SON: variants seen among roughly 807,000 people sequenced by gnomAD.
SON encodes the protein protein SON.
SON carries 4 observed loss-of-function variants against 173.3 expected under a neutral mutation model. The observed-to-expected ratio is 0.02, with a 90% CI of 0.01 to 0.05. SON has a LOEUF of 0.05. Ranked by LOEUF, SON falls within the 10% of genes least tolerant of loss-of-function variation. SON has a pLI of 1.00. For missense variants in SON, 2,626 were observed against 3,055.3 expected, an observed-to-expected ratio of 0.86 and a Z score of 3.31; for synonymous variants, 1,190 against 1,105.9, an observed-to-expected ratio of 1.08 and a Z score of -1.51.
At chr21:33,572,185 A>T (rs868781040) in intron 8 of SON, 1 of 133,126 alleles carries the variant, frequency 7.5e-6, no homozygotes, top group African/African-American at 3.3e-5. Flanking sequence ...ATATATTTAT[A>T]TATATATATA....
chr21:33,551,057 C>T lies in SON; in HGVS notation c.1826C>T (p.Ser609Leu), dbSNP rs764822871. The change falls in exon 3 of 12, where the codon TCG becomes TTG. Residue 609 changes from serine to leucine, a missense_variant. This residue lies in a region of SON where 12 missense variants were observed against 31.9 expected (regional missense o/e 0.38). Transcript: ENST00000356577. ...ATGGCAGCTGGGGCACTGGAGTTCT[C>T]GGGGCAGTCTGGGGCAGCTGGAGCA... is the stretch of plus-strand genomic sequence containing the variant. The part of the protein sequence containing the change: ...PLMAAGALEF[S>L]GQSGAAGALE... 10 of 1,612,354 alleles carry T rather than the reference C, an allele frequency of 6.2e-6. No homozygotes were observed. Among genetic ancestry groups the T allele is most frequent in the South Asian group, 1.1e-5 (1 of 90,886 alleles).
intron 8 of SON, 106 bp from the exon 9 acceptor site, chr21:33,573,200 CAG>C: frequency 2.3e-6 from 2 of 862,258 alleles, no homozygotes; most frequent in African/African-American, 1.7e-5. Flanking sequence ...ATTGCTATAA[CAG>C]ATCTAGAAGT....
chr21:33,547,261 C>A (rs1484783089), intron 2 of SON, among the ~76,000 whole-genome samples: 1 of 152,168 alleles, frequency 6.6e-6, no homozygotes, highest in Non-Finnish European at 1.5e-5. Flanking sequence ...GGATTACAGG[C>A]GTGAGCCACC....
chr21:33,568,348 C>T (rs959148414), intron 7 of SON, among the ~76,000 whole-genome samples: 8 of 152,150 alleles, frequency 5.3e-5, no homozygotes, highest in Non-Finnish European at 1.2e-4. Flanking sequence ...CAAAATTAGC[C>T]GGGCGCGGTG....
At chr21:33,570,417 C>G (rs1002825749) in intron 8 of SON, among the ~76,000 whole-genome samples, 29 of 152,160 alleles carry the variant, frequency 1.9e-4, no homozygotes, top group African/African-American at 6.8e-4. Flanking sequence ...TATGAAACAT[C>G]ATGTATACTC....
chr21:33,573,227 C>T, intron 8 of SON, 81 bp from the exon 9 acceptor site: 1 of 1,212,112 alleles, frequency 8.3e-7, no homozygotes, highest in Non-Finnish European at 1.2e-6. Flanking sequence ...TAAGATTCCT[C>T]TTTTTAGAAA....
Position 33,576,799 on chromosome 21 carries a change from C to T in SON, c.*375C>T. ...GTGATGTATTTGTTTAAGTGGCTAA[C>T]ATCCAAACGACTGTTTGAAGGCATC... On this transcript the variant is annotated 3_prime_UTR_variant, in exon 12 of 12. Transcript: ENST00000356577. The T allele has an allele frequency of 2.9e-6, 1 of 345,642 alleles. No individual in the cohort carries two copies. The highest frequency in any genetic ancestry group is 2.5e-5 in the South Asian group (1 of 40,108). The allele number at this position is 345,642 out of a possible 1,614,324, so 21.4% of individuals were successfully genotyped here.
intron 3 of SON, among the ~76,000 whole-genome samples, chr21:33,556,711 CAAAA>C (rs375685900): frequency 1.1e-4 from 11 of 102,638 alleles, no homozygotes; most frequent in Admixed American, 3.9e-4. Flanking sequence ...GAGACTGTCT[CAAAA>C]AAAAAAAAAA....
chr21:33,553,857 T>C lies in SON; in HGVS notation c.4626T>C (p.Ala1542=), dbSNP rs765664922. The C allele has an allele frequency of 2.7e-5, 43 of 1,613,768 alleles. No homozygotes were observed. Among genetic ancestry groups the C allele is most frequent in the Non-Finnish European group, 3.6e-5 (43 of 1,179,844 alleles). ...TTAATATAAATAATCATTTAATTGC[T>C]AAAGAGATGGAACATAATACAGTGT... The part of the protein sequence containing the change: ...IDLNINNHLI[A]KEMEHNTVCA... Residue 1542 remains alanine, a synonymous_variant, in exon 3 of 12, where the codon GCT becomes GCC. Transcript: ENST00000356577.
chr21:33,576,048 T>C (rs1375606282), intron 11 of SON, among the ~76,000 whole-genome samples, 155 bp downstream of exon 11: 1 of 152,210 alleles, frequency 6.6e-6, no homozygotes, highest in Non-Finnish European at 1.5e-5. Context: ...TGAAGGGTGC[T>C]TTAATACGAC....
Position 33,550,248 on chromosome 21 carries a change from G to T in SON, c.1017G>T (p.Leu339Phe), listed in dbSNP as rs2085732555. The stretch of plus-strand genomic sequence containing the variant: ...CATCTGCAATTGAAGCGCTAAGATT[G>T]CCAGAGCAGCCTGTAGACGTACCAT... ...PESSAIEALR[L>F]PEQPVDVPSE... Residue 339 changes from leucine (L) to phenylalanine (F), a missense_variant, in exon 3 of 12, where the codon TTG (leucine) becomes TTT (phenylalanine). By Grantham distance (22) the Leu-to-Phe change is conservative (BLOSUM62 0). Around this residue, in one of 13 missense-constraint regions of SON, gnomAD observed 757 missense variants for 730.1 expected, o/e 1.04. Coordinates refer to ENST00000356577, the MANE Select transcript of SON (RefSeq NM_138927.4). The T allele has an allele frequency of 6.2e-7, 1 of 1,614,126 alleles. No homozygotes were observed. The highest frequency in any genetic ancestry group is 1.3e-5 in the African/African-American group (1 of 74,942).
chr21:33,546,554 T>A, intron 2 of SON, 175 bp downstream of exon 2: 2 of 440,234 alleles, frequency 4.5e-6, no homozygotes, highest in South Asian at 5.4e-5. Flanking sequence ...CTGAGGTGGG[T>A]GGATCACCTG....
rs765590529 is a variant in SON, at chr21:33,553,798, T to G, written c.4567T>G (p.Phe1523Val). Residue 1523 changes from phenylalanine (F) to valine (V), a missense_variant, in exon 3 of 12, where the codon TTT (phenylalanine) becomes GTT (valine). Phe to Val is a conservative substitution (Grantham distance 50, BLOSUM62 -1). This residue lies in a region of SON where 1,006 missense variants were observed against 895.6 expected (regional missense o/e 1.12). Transcript: ENST00000356577. ...PHAEEHLKGD[F>V]YESEHGINID... is the part of the protein sequence containing the mutation. ...TGCTGAGGAACACCTGAAAGGTGAC[T>G]TTTACGAAAGTGAACATGGTATAAA... 1 of 1,613,950 alleles carries G rather than the reference T, an allele frequency of 6.2e-7. No individual in the cohort carries two copies. Among genetic ancestry groups the G allele is most frequent in the African/African-American group, 1.3e-5 (1 of 74,934 alleles).
chr21:33,568,077 C>T (rs542255676), intron 7 of SON, among the ~76,000 whole-genome samples: 83 of 152,296 alleles, frequency 5.4e-4, no homozygotes, highest in African/African-American at 2.0e-3. Context: ...AGTACATGTT[C>T]AGACAGGAAA....
At position 33,543,107 on chromosome 21, in the gene SON, C is replaced by T; in HGVS notation, c.15C>T (p.Ile5=). MATN[I]EQIFRSFVVS... ...GAGCGGACGCCATGGCGACCAACAT[C>T]GAGCAGATTTTTAGGTCTTTCGTGG... The change falls in exon 1 of 12, where the codon ATC becomes ATT. Residue 5 remains isoleucine, a synonymous_variant. Coordinates refer to ENST00000356577, the MANE Select transcript of SON (RefSeq NM_138927.4). The T allele has an allele frequency of 1.2e-6, 2 of 1,614,224 alleles. No individual in the cohort carries two copies. Among genetic ancestry groups the T allele is most frequent in the South Asian group, 1.1e-5 (1 of 91,086 alleles).
chr21:33,554,110 G>T lies in SON; in HGVS notation c.4879G>T (p.Asp1627Tyr). 1 of 1,613,116 alleles carries T rather than the reference G, an allele frequency of 6.2e-7. No homozygotes were observed. The highest frequency in any genetic ancestry group is 8.5e-7 in the Non-Finnish European group (1 of 1,179,118). The change falls in exon 3 of 12, where the codon GAT becomes TAT. Residue 1627 changes from aspartate (D) to tyrosine (Y), a missense_variant. Physicochemically the swap from Asp to Tyr is radical, Grantham distance 160. Transcript: ENST00000356577. ...TACTCTCAGTTTAGTTAATAAATATGATGTTGATTTATCTTTAACTACTCA... is the reference window on the plus strand; with the variant it reads ...TACTCTCAGTTTAGTTAATAAATATTATGTTGATTTATCTTTAACTACTCA... The part of the protein sequence containing the change: ...ASTLSLVNKY[D>Y]VDLSLTTQDT...
At chr21:33,547,243 A>G (rs909429943) in intron 2 of SON, among the ~76,000 whole-genome samples, 2 of 152,116 alleles carry the variant, frequency 1.3e-5, no homozygotes, top group African/African-American at 2.4e-5. Context: ...TGGCCTCCCA[A>G]AGTGCTGGGA....
Position 33,559,788 on chromosome 21 carries a change from A to G in SON, c.6657+13A>G. 6.2e-7 allele frequency: 1 copy of G among 1,611,670 alleles called. No individual in the cohort carries two copies. ...TTTGCCCTCAGAGGTAAGTAGGAGGAATATTATGTATTTTTCCTTTTTTAT... is the reference window on the plus strand; with the variant it reads ...TTTGCCCTCAGAGGTAAGTAGGAGGGATATTATGTATTTTTCCTTTTTTAT... On this transcript the variant is annotated intron_variant, in intron 6 of 11. Coordinates refer to ENST00000356577, the MANE Select transcript of SON (RefSeq NM_138927.4). The surrounding 1 kb of genome is among the most constrained non-coding windows in gnomAD (Gnocchi z 4.1).
rs766503478 is a variant in SON at position 33,554,878 on chromosome 21, A to G, written c.5647A>G (p.Arg1883Gly). The G allele has an allele frequency of 1.1e-5, 17 of 1,614,158 alleles. No homozygotes were observed. The highest frequency in any genetic ancestry group is 2.2e-5 in the South Asian group (2 of 91,086). Reference protein sequence around the residue: ...SSRSRSKSRGRRSVSKEKRKR... With the variant: ...SSRSRSKSRGGRSVSKEKRKR... ...CAGATCAAGATCAAAGTCTAGAGGA[A>G]GAAGATCTGTATCAAAAGAGAAGCG... Residue 1883 changes from arginine (R) to glycine (G), a missense_variant, in exon 3 of 12, where the codon AGA becomes GGA. Arg to Gly is a moderately radical substitution (Grantham distance 125). Around this residue, in one of 13 missense-constraint regions of SON, gnomAD observed 1,006 missense variants for 895.6 expected, o/e 1.12. Transcript: ENST00000356577.
Sources: gnomAD v4.1 joint callset for allele counts (sites outside exome capture counted in the v4.1 genomes callset) on GRCh38, gnomAD v4.1.1 for gene constraint, gnomAD v4.1.1 regional missense constraint, Gnocchi (gnomAD v3.1) non-coding constraint, MANE v1.5 for transcripts, NCBI Gene and HGNC (gene_info 2026-07-23, HGNC 2026-07-21) for gene names.